The following PGM5 variants were observed in gnomAD, a reference collection of about 807,000 sequenced individuals.
PGM5 encodes phosphoglucomutase 5, also known as phosphoglucomutase-like protein 5.
Under a neutral mutation model 59.2 loss-of-function variants are expected in PGM5, and 23 were observed. The ratio of observed to expected loss-of-function variants is 0.39; its 90% CI spans 0.28 to 0.55. The LOEUF is 0.55. Among genes scored for constraint, PGM5 ranks in the 20% least tolerant of loss-of-function variants. The pLI is 0.66. For synonymous variants in PGM5, 214 were observed against 286.0 expected, an observed-to-expected ratio of 0.75 and a Z score of 2.54; for missense variants, 574 against 748.3, an observed-to-expected ratio of 0.77 and a Z score of 2.72.
At chr9:68,370,910 G>A (rs528458243) in intron 1 of PGM5, among the ~76,000 whole-genome samples, 41 of 152,288 alleles carry the variant, frequency 2.7e-4, no homozygotes, top group Non-Finnish European at 3.4e-4. Context: ...GGCTAGGTAG[G>A]AACAAATTTA....
intron 1 of PGM5, among the ~76,000 whole-genome samples, chr9:68,358,724 T>C (rs1834517284): frequency 6.6e-6 from 1 of 152,114 alleles, no homozygotes; most frequent in Non-Finnish European, 1.5e-5. Context: ...TTCCTCCTTC[T>C]CGGTGTTGCA....
intron 10 of PGM5, among the ~76,000 whole-genome samples, chr9:68,522,451 T>C (rs929563312): frequency 1.3e-5 from 2 of 152,094 alleles, no homozygotes; most frequent in Admixed American, 1.3e-4. Context: ...CTGAGCAGAT[T>C]GAGAGTTCAG....
At chr9:68,475,184 A>ATTT (rs782687667) in intron 7 of PGM5, among the ~76,000 whole-genome samples, 3,460 of 112,658 alleles carry the variant, frequency 0.031, 129 homozygotes, top group African/African-American at 0.077. Context: ...TGCCTGGCTA[A>ATTT]TTTTTTTTTT....
chr9:68,384,419 C>A lies in PGM5; in HGVS notation c.446C>A (p.Ser149Ter). The A allele has an allele frequency of 6.2e-7, 1 of 1,605,796 alleles. No individual in the cohort carries two copies. The highest frequency in any genetic ancestry group is 8.5e-7 in the Non-Finnish European group (1 of 1,173,772). Residue 149 changes from serine (S) to a stop codon, truncating the protein, a stop_gained, in exon 3 of 11, where the codon TCA becomes TAA. Transcript: ENST00000396396. LOFTEE classifies it high-confidence loss of function. Reference sequence around the variant, plus strand: ...TTAGGTCCTGCACCCGATGTTGTCTCAGACAAAATCTACCAAATCAGCAAA... The same window carrying A: ...TTAGGTCCTGCACCCGATGTTGTCTAAGACAAAATCTACCAAATCAGCAAA... The part of the protein sequence containing the change: ...ANGGPAPDVV[S>*]DKIYQISKTI...
At chr9:68,479,807 G>A (rs868938390) in intron 8 of PGM5, among the ~76,000 whole-genome samples, 1 of 151,200 alleles carries the variant, frequency 6.6e-6, no homozygotes, top group Non-Finnish European at 1.5e-5. Flanking sequence ...AGTGGCGGGC[G>A]CCTGTAGTCC....
rs1334113725 is a variant in PGM5, at chr9:68,391,837, C to T, written c.888+113C>T. 6.0e-5 allele frequency: 64 copies of T among 1,061,166 alleles called. 1 individual carries two copies. In the East Asian group the frequency reaches 1.5e-3, roughly 25 times the overall value. The allele number at this position is 1,061,166 out of a possible 1,614,324, so 65.7% of individuals were successfully genotyped here. On this transcript the variant is annotated intron_variant, in intron 5 of 10. Transcript: ENST00000396396. ...AGCTAACATGTATGGGACATGTGTG[C>T]CCTAACTGGCTCTGCATCTGCCCTT...
intron 10 of PGM5, among the ~76,000 whole-genome samples, chr9:68,520,213 CT>C (rs1230032700): frequency 6.6e-6 from 1 of 151,572 alleles, no homozygotes; most frequent in Non-Finnish European, 1.5e-5. Context: ...AAAACTAGCT[CT>C]ATTATTTCAG....
At chr9:68,376,833 C>CTTTCTCTCTTTCTTTT (rs1461144548) in intron 1 of PGM5, among the ~76,000 whole-genome samples, 1 of 77,914 alleles carries the variant, frequency 1.3e-5, no homozygotes, top group African/African-American at 5.4e-5. Context: ...TTCTTTCTTT[C>CTTTCTCTCTTTCTTTT]TCTTTCTTTC....
intron 1 of PGM5, among the ~76,000 whole-genome samples, chr9:68,361,341 T>G (rs1317955774): frequency 1.3e-5 from 2 of 152,264 alleles, no homozygotes; most frequent in Non-Finnish European, 2.9e-5. Flanking sequence ...AACTAGTCAG[T>G]TGTCCTGCAG....
At chr9:68,479,575 T>C in intron 8 of PGM5, 22 bp downstream of exon 8, 2 of 1,611,126 alleles carry the variant, frequency 1.2e-6, no homozygotes, top group Non-Finnish European at 1.7e-6. Context: ...GGGAAGGGTC[T>C]CTGTATGGAC....
chr9:68,409,872 T>TA (rs200990186), intron 6 of PGM5, among the ~76,000 whole-genome samples: 3,348 of 137,456 alleles, frequency 0.024, 100 homozygotes, highest in African/African-American at 0.072. Context: ...ACTTAAAGTA[T>TA]AAAAAAAAAA....
intron 7 of PGM5, among the ~76,000 whole-genome samples, chr9:68,469,336 T>C (rs1823986105): frequency 6.6e-6 from 1 of 151,742 alleles, no homozygotes; most frequent in Admixed American, 6.5e-5. Flanking sequence ...CTGTTGAGTC[T>C]TTCACAGAAA....
intron 6 of PGM5, among the ~76,000 whole-genome samples, chr9:68,448,553 T>C (rs1823648932): frequency 6.6e-6 from 1 of 152,168 alleles, no homozygotes; most frequent in Non-Finnish European, 1.5e-5. Flanking sequence ...CAAAGTCCAC[T>C]TGCAGCAGGA....
intron 3 of PGM5, among the ~76,000 whole-genome samples, chr9:68,386,671 C>T (rs1295600817): frequency 9.9e-5 from 15 of 151,924 alleles, no homozygotes; most frequent in African/African-American, 3.1e-4. Flanking sequence ...AAGCAGGGCT[C>T]CTGGACAAAT....
At chr9:68,436,266 C>T (rs1823440197) in intron 6 of PGM5, among the ~76,000 whole-genome samples, 1 of 152,144 alleles carries the variant, frequency 6.6e-6, no homozygotes, top group Non-Finnish European at 1.5e-5. Context: ...AGGGAATTAC[C>T]AAGCCTATCA....
At chr9:68,506,694 T>G (rs1554689055) in intron 10 of PGM5, among the ~76,000 whole-genome samples, 1 of 152,180 alleles carries the variant, frequency 6.6e-6, no homozygotes, top group African/African-American at 2.4e-5. Flanking sequence ...TAGAAATGGA[T>G]ATAATACATA....
Position 68,483,857 on chromosome 9 carries a change from C to T in PGM5, c.1296-8C>T. ...ATTAGGTTTCTGTTCCTCCTGTGTC[C>T]TCACCAGGTTTGACTATGAGGGGTT... On this transcript the variant is annotated splice_region_variant and splice_polypyrimidine_tract_variant and intron_variant, in intron 8 of 10. Coordinates refer to ENST00000396396, the MANE Select transcript of PGM5 (RefSeq NM_021965.4). 6.2e-7 allele frequency: 1 copy of T among 1,613,612 alleles called. No individual in the cohort carries two copies. Among genetic ancestry groups the T allele is most frequent in the Non-Finnish European group, 8.5e-7 (1 of 1,179,620 alleles).
At chr9:68,502,608 G>A (rs967255006) in intron 10 of PGM5, among the ~76,000 whole-genome samples, 2 of 152,162 alleles carry the variant, frequency 1.3e-5, no homozygotes, top group African/African-American at 4.8e-5. Flanking sequence ...AGTCACACCC[G>A]ATCTCACCCC....
At chr9:68,419,303 A>G (rs1323698693) in intron 6 of PGM5, among the ~76,000 whole-genome samples, 2 of 152,160 alleles carry the variant, frequency 1.3e-5, no homozygotes, top group Admixed American at 1.3e-4. Flanking sequence ...GCAATTTTCA[A>G]TGAATATATG....
Sources: allele counts gnomAD v4.1 joint callset (sites outside exome capture counted in the v4.1 genomes callset), GRCh38; gene constraint gnomAD v4.1.1; transcripts MANE v1.5; gene names NCBI Gene and HGNC (gene_info 2026-07-23, HGNC 2026-07-21).